The following NRP1 variants were observed in gnomAD, a reference collection of about 807,000 sequenced individuals.
NRP1 encodes neuropilin-1.
Under a neutral mutation model 106.7 loss-of-function variants are expected in NRP1, and 35 were observed. That is an observed-to-expected ratio of 0.33 (90% CI 0.25 to 0.43). The LOEUF (loss-of-function observed/expected upper bound fraction) is 0.43, where lower values mean the gene tolerates loss of function less well. Among genes scored for constraint, NRP1 ranks in the 20% least tolerant of loss-of-function variants. The pLI, the probability that NRP1 is intolerant of heterozygous loss-of-function variation, is 1.00. For synonymous variants in NRP1, 437 were observed against 417.9 expected (o/e 1.05, Z -0.56); for missense variants, 1,024 against 1,170.4 (o/e 0.87, Z 1.83).
At chr10:33,199,365 T>TTTTATATATA (rs57582967) in intron 11 of NRP1, among the ~76,000 whole-genome samples, 10 of 64,268 alleles carry the variant, frequency 1.6e-4, no homozygotes, top group South Asian at 6.7e-4. Context: ...CCTGGCTGTT[T>TTTTATATATA]TCTATATATA....
rs750754621 is a variant in NRP1 at position 33,213,293 on chromosome 10, G to C, written c.1614+93C>G. 7.4e-6 allele frequency: 12 copies of C among 1,613,782 alleles called. No individual in the cohort carries two copies. The African/African-American group carries it at 1.6e-4, about 22-fold the overall frequency. On this transcript the variant is annotated intron_variant, in intron 9 of 16. Coordinates refer to ENST00000374867, the MANE Select transcript of NRP1 (RefSeq NM_003873.7). ...CCTCCTCTAATGTCATGGCTGGAAG[G>C]AAATAAGAAGCCCTTCCTCGGGAGA...
Position 33,242,069 on chromosome 10 carries a change from A to C in NRP1, c.981+11959T>G, listed in dbSNP as rs574539666. On this transcript the variant is annotated intron_variant, in intron 6 of 16. Coordinates refer to ENST00000374867, the MANE Select transcript of NRP1 (RefSeq NM_003873.7). ...TAAGGAAACTGGACTACTGTATTAC[A>C]GAAGTTGATAGTCGGAGCTGAATTT... Among the ~76,000 whole-genome samples, 12 of 152,334 alleles carry C rather than the reference A, an allele frequency of 7.9e-5. No homozygotes were observed. In the East Asian group the frequency reaches 2.3e-3, roughly 29 times the overall value.
chr10:33,275,427 G>C (rs1271820625), intron 2 of NRP1, among the ~76,000 whole-genome samples: 4 of 152,118 alleles, frequency 2.6e-5, no homozygotes, highest in Non-Finnish European at 4.4e-5. Context: ...AATTAGCCGG[G>C]CATGGTGGCA....
chr10:33,305,222 A>G (rs947942571), intron 2 of NRP1, among the ~76,000 whole-genome samples: 2 of 152,216 alleles, frequency 1.3e-5, no homozygotes, highest in South Asian at 2.1e-4. Flanking sequence ...TACAAAAATG[A>G]TTTAAAAAAT....
chr10:33,266,647 T>G (rs1324054860), intron 3 of NRP1, among the ~76,000 whole-genome samples: 6 of 152,190 alleles, frequency 3.9e-5, no homozygotes, highest in Non-Finnish European at 8.8e-5. Flanking sequence ...TGATAGTGTT[T>G]GGATCTGTGT....
chr10:33,302,113 A>C (rs1303463939), intron 2 of NRP1, among the ~76,000 whole-genome samples: 1 of 152,236 alleles, frequency 6.6e-6, no homozygotes, highest in Non-Finnish European at 1.5e-5. Context: ...CAATTTCTCC[A>C]AAGTGAAGAA....
intron 4 of NRP1, among the ~76,000 whole-genome samples, chr10:33,262,061 A>G (rs1842611768): frequency 6.6e-6 from 1 of 152,182 alleles, no homozygotes; most frequent in Non-Finnish European, 1.5e-5. Context: ...CTTCATGTAC[A>G]ATGTATTTAA....
chr10:33,223,884 G>A (rs1839450224), intron 7 of NRP1, among the ~76,000 whole-genome samples: 1 of 152,186 alleles, frequency 6.6e-6, no homozygotes, highest in Admixed American at 6.5e-5. Flanking sequence ...AAGTCTGGCA[G>A]GAGAGTTGTG....
At chr10:33,314,920 A>G (rs1846908512) in intron 2 of NRP1, among the ~76,000 whole-genome samples, 1 of 152,186 alleles carries the variant, frequency 6.6e-6, no homozygotes, top group Non-Finnish European at 1.5e-5. Flanking sequence ...TAACATGTGC[A>G]TTTACTGGGG....
At chr10:33,264,196 A>G (rs943500021) in intron 3 of NRP1, among the ~76,000 whole-genome samples, 5 of 152,206 alleles carry the variant, frequency 3.3e-5, no homozygotes, top group African/African-American at 7.2e-5. Context: ...AGCCCTAGAG[A>G]AATAATTATG....
intron 1 of NRP1, among the ~76,000 whole-genome samples, chr10:33,333,265 T>A (rs942110029): frequency 1.3e-5 from 2 of 152,070 alleles, no homozygotes; most frequent in Admixed American, 6.5e-5. Flanking sequence ...GCTTTAAGCA[T>A]CTCTTAAAAT....
intron 2 of NRP1, among the ~76,000 whole-genome samples, chr10:33,329,495 A>G (rs1564495097): frequency 6.6e-6 from 1 of 152,166 alleles, no homozygotes; most frequent in Non-Finnish European, 1.5e-5. Context: ...TTCTTTCCCA[A>G]AAGAAATGTG....
chr10:33,295,254 G>A (rs558488080), intron 2 of NRP1, among the ~76,000 whole-genome samples: 2 of 152,274 alleles, frequency 1.3e-5, no homozygotes, highest in South Asian at 2.1e-4. Flanking sequence ...GGAGAGGTGA[G>A]CCATCACTTG....
At chr10:33,317,737 G>T (rs183236845) in intron 2 of NRP1, among the ~76,000 whole-genome samples, 1 of 152,280 alleles carries the variant, frequency 6.6e-6, no homozygotes, top group East Asian at 1.9e-4. Context: ...CATCAAGTTC[G>T]TGACACTGAA....
chr10:33,318,936 G>A (rs893174208), intron 2 of NRP1, among the ~76,000 whole-genome samples: 3 of 151,470 alleles, frequency 2.0e-5, no homozygotes, highest in Non-Finnish European at 4.4e-5. Context: ...CATGGAAGAG[G>A]GTGAGAGGTG....
intron 8 of NRP1, among the ~76,000 whole-genome samples, chr10:33,219,268 G>A (rs954759642): frequency 1.3e-5 from 2 of 152,104 alleles, no homozygotes; most frequent in Non-Finnish European, 2.9e-5. Context: ...ACCAGAAAAC[G>A]GAGATCAGAG....
chr10:33,216,281 G>A, intron 8 of NRP1, among the ~76,000 whole-genome samples: 1 of 151,692 alleles, frequency 6.6e-6, no homozygotes, highest in South Asian at 2.1e-4. Context: ...AGGACTCCAG[G>A]CGCCTGCCAC....
chr10:33,242,146 C>A (rs1365605955), intron 6 of NRP1, among the ~76,000 whole-genome samples: 1 of 131,838 alleles, frequency 7.6e-6, no homozygotes, highest in Non-Finnish European at 1.5e-5. Flanking sequence ...CCTTTTACTC[C>A]CCCCAGAAGA....
intron 12 of NRP1, among the ~76,000 whole-genome samples, chr10:33,196,068 C>T (rs999389837): frequency 1.3e-5 from 2 of 152,140 alleles, no homozygotes; most frequent in African/African-American, 4.8e-5. Flanking sequence ...AACAAAACCG[C>T]TCCTGCTCTG....
Sources: gnomAD v4.1 joint callset for allele counts (sites outside exome capture counted in the v4.1 genomes callset) on GRCh38, gnomAD v4.1.1 for gene constraint, MANE v1.5 for transcripts, NCBI Gene and HGNC (gene_info 2026-07-23, HGNC 2026-07-21) for gene names.